Variants in RYR3 observed in about 807,000 individuals in gnomAD.
RYR3 encodes the protein ryanodine receptor 3.
RYR3 carries 207 observed loss-of-function variants against 584.3 expected under a neutral mutation model. The observed-to-expected ratio is 0.35, with a 90% CI of 0.32 to 0.40. RYR3 has a LOEUF of 0.40. RYR3 is among the 10% of genes least tolerant of loss of function. The pLI is 1.00. For missense variants in RYR3, 5,616 were observed against 6,089.2 expected, an observed-to-expected ratio of 0.92 and a Z score of 2.59; for synonymous variants, 2,416 against 2,248.5, an observed-to-expected ratio of 1.07 and a Z score of -2.11.
intron 15 of RYR3, among the ~76,000 whole-genome samples, chr15:33,584,745 A>G (rs2058758749): frequency 6.6e-6 from 1 of 151,884 alleles, no homozygotes; most frequent in Non-Finnish European, 1.5e-5. Flanking sequence ...CCGTGCCTTC[A>G]TTTTTAATCC....
chr15:33,360,989 C>T (rs1333314338), intron 1 of RYR3, among the ~76,000 whole-genome samples: 1 of 152,164 alleles, frequency 6.6e-6, no homozygotes, highest in Admixed American at 6.5e-5. Flanking sequence ...CCTCTCAGCA[C>T]CGAGCAGTAA....
chr15:33,613,825 G>A (rs2060318755), intron 19 of RYR3, among the ~76,000 whole-genome samples: 1 of 152,036 alleles, frequency 6.6e-6, no homozygotes, highest in Non-Finnish European at 1.5e-5. Flanking sequence ...TGAAGTTTAT[G>A]TCTTGATTAT....
At chr15:33,696,804 T>C (rs2065890926) in intron 39 of RYR3, among the ~76,000 whole-genome samples, 2 of 152,134 alleles carry the variant, frequency 1.3e-5, no homozygotes, top group African/African-American at 4.8e-5. Flanking sequence ...AAGACAGAAA[T>C]GATCTGAGCA....
chr15:33,776,537 C>T (rs1471551585), intron 64 of RYR3, among the ~76,000 whole-genome samples: 1 of 152,174 alleles, frequency 6.6e-6, no homozygotes, highest in African/African-American at 2.4e-5. Context: ...TTTCTTTCAT[C>T]CTGTCTGGCT....
chr15:33,679,409 C>G (rs923735339), intron 38 of RYR3, among the ~76,000 whole-genome samples: 1 of 152,154 alleles, frequency 6.6e-6, no homozygotes, highest in African/African-American at 2.4e-5. Context: ...TCAGGTTTTA[C>G]TGTTAGGAAA....
At position 33,838,820 on chromosome 15, in the gene RYR3, C is replaced by G; in HGVS notation, c.12840C>G (p.Asp4280Glu). 1 of 1,613,884 alleles carries G rather than the reference C, an allele frequency of 6.2e-7. No homozygotes were observed. The highest frequency in any genetic ancestry group is 8.5e-7 in the Non-Finnish European group (1 of 1,179,852). The change falls in exon 89 of 104, where the codon GAC (aspartate) becomes GAG (glutamate). Residue 4280 changes from aspartate (D) to glutamate (E), a missense_variant. By Grantham distance (45) the Asp-to-Glu change is conservative (BLOSUM62 2). Transcript: ENST00000634891. The stretch of plus-strand genomic sequence containing the variant: ...AGGGAGATACAGATATCATGTCAGA[C>G]CTCTTTGGACTCCACCCAAAGAAAG... The part of the protein sequence containing the change: ...GEKGDTDIMS[D>E]LFGLHPKKEG...
intron 18 of RYR3, among the ~76,000 whole-genome samples, chr15:33,609,903 T>C (rs770024911): frequency 1.4e-4 from 21 of 152,178 alleles, no homozygotes; most frequent in Admixed American, 2.6e-4. Flanking sequence ...ATGTGAAAGA[T>C]GTCAAACCTA....
chr15:33,491,803 A>C (rs1487576914), intron 2 of RYR3, among the ~76,000 whole-genome samples: 2 of 152,164 alleles, frequency 1.3e-5, no homozygotes, highest in African/African-American at 4.8e-5. Flanking sequence ...CCAGATACTG[A>C]GTGATGGGTT....
intron 1 of RYR3, among the ~76,000 whole-genome samples, chr15:33,364,325 T>C (rs772401038): frequency 6.6e-6 from 1 of 152,208 alleles, no homozygotes; most frequent in Non-Finnish European, 1.5e-5. Flanking sequence ...CTCTCCTTTT[T>C]CTCTGAGTTT....
chr15:33,593,410 T>A (rs2059229378), intron 16 of RYR3, among the ~76,000 whole-genome samples: 1 of 152,098 alleles, frequency 6.6e-6, no homozygotes, highest in African/African-American at 2.4e-5. Flanking sequence ...AAGTCCCATA[T>A]CCTGTGAACA....
chr15:33,865,336 C>A lies in RYR3; in HGVS notation c.*110C>A. 2.7e-6 allele frequency: 2 copies of A among 752,574 alleles called. No individual in the cohort carries two copies. The highest frequency in any genetic ancestry group is 3.0e-5 in the Admixed American group (1 of 33,396). 46.6% of individuals were successfully genotyped at this position (752,574 alleles called of 1,614,324 possible). The stretch of plus-strand genomic sequence containing the variant: ...GAAATGTGACATTTTCTAAATGCCT[C>A]CCTTAAAAAAAAAACTGCTGAAAAT... On this transcript the variant is annotated 3_prime_UTR_variant, in exon 104 of 104. Transcript: ENST00000634891.
chr15:33,841,033 CATA>C lies in RYR3; in HGVS notation c.13037+153_13037+155del, dbSNP rs1318886203. ...AGGACTTCGAGACCATCCTGGGCAA[CATA>C]ATGAGACCCCATCTCTACAAAAAAT... On this transcript the variant is annotated intron_variant, in intron 90 of 103. Transcript: ENST00000634891. 3 of 677,830 alleles carry C rather than the reference CATA, an allele frequency of 4.4e-6. No homozygotes were observed. The African/African-American group carries it at 5.4e-5, about 12-fold the overall frequency. 42.0% of individuals were successfully genotyped at this position (677,830 alleles called of 1,614,324 possible). A position where few individuals can be genotyped will look rare whatever the true frequency, so the allele number is the denominator to read the frequency against.
At chr15:33,446,926 C>T (rs2046715851) in intron 1 of RYR3, among the ~76,000 whole-genome samples, 1 of 152,310 alleles carries the variant, frequency 6.6e-6, no homozygotes, top group Non-Finnish European at 1.5e-5. Context: ...TTGCCTCTTG[C>T]TCTCAGAAAA....
chr15:33,636,241 T>G, intron 26 of RYR3, 135 bp from the exon 27 acceptor site: 1 of 773,574 alleles, frequency 1.3e-6, no homozygotes, highest in South Asian at 1.7e-5. Flanking sequence ...CTCCTCCTTG[T>G]TGGTTATCCT....
intron 3 of RYR3, among the ~76,000 whole-genome samples, chr15:33,506,866 G>A (rs2052531461): frequency 6.6e-6 from 1 of 152,108 alleles, no homozygotes; most frequent in Admixed American, 6.5e-5. Context: ...AAAATATTCA[G>A]CAGGGAAGAA....
In RYR3 at chr15:33,351,839, A is replaced by C. The variant is rs533378404; in HGVS notation, c.51+40743A>C. 3.0e-3 allele frequency among the ~76,000 whole-genome samples: 446 copies of C among 150,982 alleles called. 3 individuals carry two copies. The highest frequency in any genetic ancestry group is 0.021 in the South Asian group (100 of 4,698). On this transcript the variant is annotated intron_variant, in intron 1 of 103. Transcript: ENST00000634891. ...GCAAAAACTGGAAGCATTCCCTTTG[A>C]AAACTGGCACAAGACAGGGATGCCC...
rs115410534 is a variant in RYR3, at chr15:33,469,685, C to T, written c.52-3734C>T. Among the ~76,000 whole-genome samples the T allele has an allele frequency of 2.7e-3, 405 of 152,162 alleles. 3 individuals are homozygous for T. The highest frequency in any genetic ancestry group is 9.2e-3 in the African/African-American group (383 of 41,500). On this transcript the variant is annotated intron_variant, in intron 1 of 103. Transcript: ENST00000634891. ...ATGTTGATTTGAAGTGTTTGTAAGTCCGCAGGTAAAAATAGATGGAGGTTT... is the reference window on the plus strand; with the variant it reads ...ATGTTGATTTGAAGTGTTTGTAAGTTCGCAGGTAAAAATAGATGGAGGTTT...
rs970691712 is a variant in RYR3, at chr15:33,390,775, G to A, written c.51+79679G>A. Among the ~76,000 whole-genome samples the A allele has an allele frequency of 1.3e-5, 2 of 152,136 alleles. No homozygotes were observed. Among genetic ancestry groups the A allele is most frequent in the Non-Finnish European group, 2.9e-5 (2 of 68,038 alleles). Reference sequence around the variant, plus strand: ...AGAAGAGCGGTACTTGCTAGTCAGAGGGTGCTTCTGTGACCATACCCCAAT... The same window carrying A: ...AGAAGAGCGGTACTTGCTAGTCAGAAGGTGCTTCTGTGACCATACCCCAAT... On this transcript the variant is annotated intron_variant, in intron 1 of 103. Transcript: ENST00000634891. This position sits in a 1 kb window ranked among gnomAD's most constrained non-coding sequence, Gnocchi z 4.2.
intron 1 of RYR3, among the ~76,000 whole-genome samples, chr15:33,319,239 C>T (rs1056425663): frequency 6.6e-6 from 1 of 152,210 alleles, no homozygotes; most frequent in Admixed American, 6.5e-5. Context: ...TCGTGTTGCT[C>T]TATACCATGG....
Sources: gnomAD v4.1 joint callset for allele counts (sites outside exome capture counted in the v4.1 genomes callset) on GRCh38, gnomAD v4.1.1 for gene constraint, Gnocchi (gnomAD v3.1) non-coding constraint, MANE v1.5 for transcripts, NCBI Gene and HGNC (gene_info 2026-07-23, HGNC 2026-07-21) for gene names.